The following TTC27 variants were observed in gnomAD, a reference collection of about 807,000 sequenced individuals.
TTC27 encodes tetratricopeptide repeat protein 27.
A neutral mutation model predicts 115.9 loss-of-function variants in TTC27; 79 were observed. That is an observed-to-expected ratio of 0.68 (90% CI 0.57 to 0.82). The LOEUF is 0.82. TTC27 is among the 40% of genes least tolerant of loss of function. TTC27 has a pLI of 0.00. For synonymous variants in TTC27, 401 were observed against 356.0 expected (o/e 1.13, Z -1.42); for missense variants, 1,054 against 993.1 (o/e 1.06, Z -0.82).
intron 9 of TTC27, among the ~76,000 whole-genome samples, chr2:32,695,724 A>G (rs1261197026): frequency 1.4e-5 from 2 of 139,434 alleles, no homozygotes; most frequent in East Asian, 4.2e-4. Flanking sequence ...ATCTCAAAAA[A>G]AAAAAAAAAA....
chr2:32,632,845 A>G (rs1028073804), intron 2 of TTC27, among the ~76,000 whole-genome samples: 1 of 152,186 alleles, frequency 6.6e-6, no homozygotes, highest in African/African-American at 2.4e-5. Context: ...GGTTTGGCAC[A>G]TTATGGCTGG....
intron 9 of TTC27, among the ~76,000 whole-genome samples, chr2:32,690,059 G>A (rs1474584994): frequency 1.3e-5 from 2 of 152,146 alleles, no homozygotes; most frequent in African/African-American, 4.8e-5. Context: ...TCATGAGTAG[G>A]TTTTTGGAAA....
chr2:32,734,800 T>C (rs1668400056), intron 11 of TTC27, among the ~76,000 whole-genome samples: 1 of 152,220 alleles, frequency 6.6e-6, no homozygotes, highest in South Asian at 2.1e-4. Flanking sequence ...TAGCTTTTCA[T>C]TGGGTTGAAA....
chr2:32,782,697 T>C lies in TTC27; in HGVS notation c.1832+19T>C. ...AACAAAAGTAAGTACATCAGACAAA[T>C]ATGAAGAAATTTGCTTCCCAAATAA... On this transcript the variant is annotated intron_variant, in intron 15 of 19. Coordinates refer to ENST00000317907, the MANE Select transcript of TTC27 (RefSeq NM_017735.5). 6.3e-7 allele frequency: 1 copy of C among 1,588,428 alleles called. No homozygotes were observed. Among genetic ancestry groups the C allele is most frequent in the African/African-American group, 1.3e-5 (1 of 74,414 alleles).
intron 4 of TTC27, among the ~76,000 whole-genome samples, chr2:32,646,721 G>T (rs1269602890): frequency 1.3e-5 from 2 of 151,534 alleles, no homozygotes; most frequent in African/African-American, 4.8e-5. Flanking sequence ...CCACCAGTAC[G>T]CCCAGCTAAT....
intron 10 of TTC27, among the ~76,000 whole-genome samples, chr2:32,721,048 C>T (rs1294548312): frequency 6.6e-6 from 1 of 152,132 alleles, no homozygotes; most frequent in Non-Finnish European, 1.5e-5. Flanking sequence ...ATGATCTAGT[C>T]ATTTAAGCTG....
chr2:32,633,777 A>G, intron 2 of TTC27, 99 bp from the exon 3 acceptor site: 1 of 1,336,606 alleles, frequency 7.5e-7, no homozygotes, highest in South Asian at 1.5e-5. Context: ...AAATGTTGAT[A>G]GATATTATTT....
chr2:32,651,183 ATG>A (rs1424631110), intron 5 of TTC27, among the ~76,000 whole-genome samples: 4 of 152,166 alleles, frequency 2.6e-5, no homozygotes, highest in Admixed American at 6.6e-5. Context: ...ATGAATATGT[ATG>A]TGTGTGTCCA....
intron 13 of TTC27, among the ~76,000 whole-genome samples, chr2:32,775,052 TTAAAAA>T (rs1180269304): frequency 6.6e-6 from 1 of 152,214 alleles, no homozygotes; most frequent in Non-Finnish European, 1.5e-5. Context: ...GTTTTAAAAA[TTAAAAA>T]TAAAAGATAA....
At chr2:32,743,233 T>C (rs944698704) in intron 12 of TTC27, among the ~76,000 whole-genome samples, 3 of 152,174 alleles carry the variant, frequency 2.0e-5, no homozygotes, top group Non-Finnish European at 4.4e-5. Context: ...TTTCCATTAA[T>C]TCACAAAATT....
At chr2:32,722,324 G>A (rs978152175) in intron 10 of TTC27, among the ~76,000 whole-genome samples, 1 of 152,162 alleles carries the variant, frequency 6.6e-6, no homozygotes. Flanking sequence ...GAAAAGTAGT[G>A]TTAGGAGTTG....
chr2:32,678,253 CAAA>C (rs10710939), intron 8 of TTC27, among the ~76,000 whole-genome samples: 33 of 99,092 alleles, frequency 3.3e-4, no homozygotes, highest in Admixed American at 4.3e-4. Flanking sequence ...AGCCCTGTCT[CAAA>C]AAAAAAAAAA....
intron 5 of TTC27, among the ~76,000 whole-genome samples, chr2:32,652,870 C>CAT (rs530608367): frequency 3.3e-5 from 5 of 151,814 alleles, no homozygotes; most frequent in Non-Finnish European, 5.9e-5. Context: ...TTCTATGAAA[C>CAT]ATAGGCAAAG....
chr2:32,798,229 A>G lies in TTC27; in HGVS notation c.1998+11080A>G, dbSNP rs534867047. ...AGACCATCCTGGCTAACACAGTAAA[A>G]CCCCATCTCTACTAAAAATACAAAA... On this transcript the variant is annotated intron_variant, in intron 16 of 19. Transcript: ENST00000317907. Among the ~76,000 whole-genome samples, 76 of 135,376 alleles carry G rather than the reference A, an allele frequency of 5.6e-4. 1 individual carries two copies. The South Asian group carries it at 5.7e-3, about 10-fold the overall frequency. The allele number at this position is 135,376 out of a possible 152,430, so 88.8% of individuals were successfully genotyped here. A position where few individuals can be genotyped will look rare whatever the true frequency, so the allele number is the denominator to read the frequency against.
chr2:32,812,558 G>A lies in TTC27; in HGVS notation c.2251G>A (p.Glu751Lys). 6.2e-7 allele frequency: 1 copy of A among 1,614,050 alleles called. No individual in the cohort carries two copies. The highest frequency in any genetic ancestry group is 8.5e-7 in the Non-Finnish European group (1 of 1,179,964). Residue 751 changes from glutamate (E) to lysine (K), a missense_variant, in exon 18 of 20, where the codon GAG becomes AAG. Coordinates refer to ENST00000317907, the MANE Select transcript of TTC27 (RefSeq NM_017735.5). ...YKCDTQSNCWEKDITSFKEVV... is the reference protein window; with the variant it reads ...YKCDTQSNCWKKDITSFKEVV... ...GTGTGACACCCAGTCCAATTGTTGG[G>A]AGAAAGATATTACATCATTTAAGGA...
intron 9 of TTC27, among the ~76,000 whole-genome samples, chr2:32,698,754 A>G (rs1398171511): frequency 6.6e-6 from 1 of 152,154 alleles, no homozygotes; most frequent in African/African-American, 2.4e-5. Context: ...TGCTGGGATT[A>G]CAGGCGTGAG....
chr2:32,786,259 T>C (rs2148021098), intron 15 of TTC27, among the ~76,000 whole-genome samples: 1 of 152,216 alleles, frequency 6.6e-6, no homozygotes, highest in Middle Eastern at 3.4e-3. Flanking sequence ...GTAGCTGGGA[T>C]TACAGGCACA....
chr2:32,786,936 T>A, intron 15 of TTC27, 48 bp from the exon 16 acceptor site: 1 of 1,487,400 alleles, frequency 6.7e-7, no homozygotes, highest in Non-Finnish European at 9.2e-7. Flanking sequence ...TTTATTCTAA[T>A]AAAAAAAGAG....
At chr2:32,779,276 T>A (rs1425619811) in intron 14 of TTC27, among the ~76,000 whole-genome samples, 1 of 152,044 alleles carries the variant, frequency 6.6e-6, no homozygotes, top group Admixed American at 6.5e-5. Flanking sequence ...ACTAGCAATG[T>A]ATGAGGGTTC....
Sources: gnomAD v4.1 joint callset for allele counts (sites outside exome capture counted in the v4.1 genomes callset) on GRCh38, gnomAD v4.1.1 for gene constraint, MANE v1.5 for transcripts, NCBI Gene and HGNC (gene_info 2026-07-23, HGNC 2026-07-21) for gene names.